Variants in MYO5C observed in about 807,000 individuals in gnomAD.
The protein encoded by MYO5C is unconventional myosin-Vc.
A neutral mutation model predicts 235.7 loss-of-function variants in MYO5C; 194 were observed. That is an observed-to-expected ratio of 0.82 (90% CI 0.73 to 0.93). The LOEUF is 0.93. MYO5C is among the 40% of genes least tolerant of loss of function. MYO5C has a pLI of 0.00. For synonymous variants in MYO5C, 707 were observed against 754.8 expected (o/e 0.94, Z 1.04); for missense variants, 2,038 against 2,127.2 (o/e 0.96, Z 0.82).
At chr15:52,219,633 C>G (rs533514524) in intron 31 of MYO5C, 126 bp downstream of exon 31, 44 of 690,370 alleles carry the variant, frequency 6.4e-5, no homozygotes, top group Non-Finnish European at 1.0e-4. Flanking sequence ...ATCAGAATGG[C>G]AATATGTCAT....
chr15:52,205,178 C>T (rs376962592), intron 37 of MYO5C, 31 bp from the exon 38 acceptor site: 1 of 1,605,920 alleles, frequency 6.2e-7, no homozygotes, highest in Non-Finnish European at 8.5e-7. Flanking sequence ...TGTGCTGACA[C>T]GCCAGGAGAC....
In MYO5C at chr15:52,195,926, G is replaced by C. The variant is rs149219357; in HGVS notation, c.4995+383C>G. Among the ~76,000 whole-genome samples the C allele has an allele frequency of 6.3e-5, 9 of 142,734 alleles. No homozygotes were observed. The East Asian group carries it at 1.8e-3, about 28-fold the overall frequency. 93.6% of individuals were successfully genotyped at this position (142,734 alleles called of 152,430 possible). A position where few individuals can be genotyped will look rare whatever the true frequency, so the allele number is the denominator to read the frequency against. On this transcript the variant is annotated intron_variant, in intron 39 of 40. Transcript: ENST00000261839. ...CGATCCTCCCGCCTCAGCCTCCCAA[G>C]TAGCTGGGACCAAAGGTGTGTGCCA...
intron 24 of MYO5C, among the ~76,000 whole-genome samples, chr15:52,231,964 C>G (rs893935832): frequency 6.6e-6 from 1 of 151,984 alleles, no homozygotes; most frequent in African/African-American, 2.4e-5. Context: ...GGATAAAAGA[C>G]AAACTAACAA....
chr15:52,256,562 A>AACAC (rs373248361), intron 11 of MYO5C, 77 bp downstream of exon 11: 31,939 of 629,312 alleles, frequency 0.051, 356 homozygotes, highest in East Asian at 0.078. Context: ...TCTTTCCACG[A>AACAC]ACACACACAC....
Position 52,246,042 on chromosome 15 carries a change from T to G in MYO5C, c.1980A>C (p.Glu660Asp), listed in dbSNP as rs1334171386. 6.2e-7 allele frequency: 1 copy of G among 1,613,422 alleles called. No individual in the cohort carries two copies. Among genetic ancestry groups the G allele is most frequent in the Admixed American group, 1.7e-5 (1 of 59,946 alleles). The change falls in exon 17 of 41, where the codon GAA (glutamate) becomes GAC (aspartate). Residue 660 changes from glutamate to aspartate, a missense_variant and splice_region_variant. Coordinates refer to ENST00000261839, the MANE Select transcript of MYO5C (RefSeq NM_018728.4). The part of the protein sequence containing the change: ...IKPNDEKLPF[E>D]FDSKRIVQQL... ...GCTGAACAATTCTTTTGGAGTCAAA[T>G]CTTTAAAAAGACAATGATATTATGT...
At chr15:52,195,798 T>G (rs2035034990) in intron 39 of MYO5C, among the ~76,000 whole-genome samples, 2 of 151,620 alleles carry the variant, frequency 1.3e-5, no homozygotes, top group East Asian at 1.9e-4. Flanking sequence ...TGTGTGTGAT[T>G]ATTATTATTA....
chr15:52,270,589 T>C (rs1167781060), intron 7 of MYO5C, among the ~76,000 whole-genome samples: 1 of 151,378 alleles, frequency 6.6e-6, no homozygotes, highest in Admixed American at 6.6e-5. Flanking sequence ...TACATATATA[T>C]GTATATATAC....
chr15:52,239,101 A>G (rs1470610553), intron 21 of MYO5C, among the ~76,000 whole-genome samples: 2 of 151,364 alleles, frequency 1.3e-5, no homozygotes, highest in Non-Finnish European at 2.9e-5. Context: ...ACAGGCATGC[A>G]TCACCACGCC....
Position 52,204,989 on chromosome 15 carries a change from C to T in MYO5C, c.4696G>A (p.Gly1566Ser), listed in dbSNP as rs1237965656. 3 of 1,614,232 alleles carry T rather than the reference C, an allele frequency of 1.9e-6. No homozygotes were observed. The highest frequency in any genetic ancestry group is 1.7e-5 in the Admixed American group (1 of 60,032). Reference protein sequence around the residue: ...SYFYTTMCQNGLDPELVRQAV... With the variant: ...SYFYTTMCQNSLDPELVRQAV... The stretch of plus-strand genomic sequence containing the variant: ...TGCCTCACAAGCTCGGGGTCCAGGC[C>T]GTTCTGGCACATGGTGGTGTAAAAG... Residue 1566 changes from glycine to serine, a missense_variant, in exon 38 of 41, where the codon GGC becomes AGC. Coordinates refer to ENST00000261839, the MANE Select transcript of MYO5C (RefSeq NM_018728.4).
chr15:52,288,099 A>G (rs979426828), intron 1 of MYO5C, among the ~76,000 whole-genome samples: 4 of 152,160 alleles, frequency 2.6e-5, no homozygotes, highest in Non-Finnish European at 4.4e-5. Context: ...GGCTCTGAGA[A>G]GTAATGTGAA....
chr15:52,245,385 ACCT>A lies in MYO5C; in HGVS notation c.2144_2146del (p.Glu715del), dbSNP rs1434868238. The A allele has an allele frequency of 4.3e-6, 7 of 1,613,842 alleles. No homozygotes were observed. The highest frequency in any genetic ancestry group is 5.1e-6 in the Non-Finnish European group (6 of 1,179,972). ...GAGTCTGTGTAAAACCACCTTGCAC[ACCT>A]CCTTTTTATCGCTGAAGGAAAGCTC... On this transcript the variant is annotated inframe_deletion, in exon 18 of 41. Transcript: ENST00000261839.
intron 9 of MYO5C, 38 bp from the exon 10 acceptor site, chr15:52,261,165 C>T (rs1376662313): frequency 6.2e-7 from 1 of 1,604,552 alleles, no homozygotes; most frequent in Admixed American, 1.7e-5. Context: ...GGTGGCCCAG[C>T]CATCCAAAGA....
chr15:52,260,885 A>G lies in MYO5C; in HGVS notation c.1290T>C (p.Phe430=). The change falls in exon 10 of 41, where the codon TTT becomes TTC. Residue 430 remains phenylalanine (F), a synonymous_variant. Transcript: ENST00000261839. ...ALQFSGKQHT[F]IGVLDIYGFE... The stretch of plus-strand genomic sequence containing the variant: ...ACCCATAAATGTCCAAAACACCAAT[A>G]AAAGTGTGCTGCTTGCCTGAAAACT... 1 of 1,614,224 alleles carries G rather than the reference A, an allele frequency of 6.2e-7. No homozygotes were observed.
chr15:52,295,284 T>C (rs116786740), intron 1 of MYO5C, among the ~76,000 whole-genome samples: 1,668 of 152,310 alleles, frequency 0.011, 35 homozygotes, highest in African/African-American at 0.039. Context: ...CTGGGGATTC[T>C]AGGCCCCGAG....
At position 52,242,475 on chromosome 15, in the gene MYO5C, A is replaced by T. The variant is rs2036248490; in HGVS notation, c.2391-262T>A. On this transcript the variant is annotated intron_variant, in intron 19 of 40. Coordinates refer to ENST00000261839, the MANE Select transcript of MYO5C (RefSeq NM_018728.4). ...CTCCACTCAGGTACCCACAGAGACGATGATGAGACTGTGCACTGGTGCTGC... is the reference window on the plus strand; with the variant it reads ...CTCCACTCAGGTACCCACAGAGACGTTGATGAGACTGTGCACTGGTGCTGC... The T allele has an allele frequency of 1.6e-5, 7 of 425,020 alleles. No homozygotes were observed. In the South Asian group the frequency reaches 2.2e-4, roughly 13 times the overall value. The allele number at this position is 425,020 out of a possible 1,614,324, so 26.3% of individuals were successfully genotyped here. A position where few individuals can be genotyped will look rare whatever the true frequency, so the allele number is the denominator to read the frequency against.
At chr15:52,233,744 C>T (rs918877438) in intron 23 of MYO5C, among the ~76,000 whole-genome samples, 1 of 152,204 alleles carries the variant, frequency 6.6e-6, no homozygotes, top group African/African-American at 2.4e-5. Context: ...ATTCCCAACA[C>T]ACCCATATGC....
chr15:52,275,630 T>C lies in MYO5C; in HGVS notation c.538A>G (p.Thr180Ala). ...SARYAMRYFA[T>A]VSKSGSNAHV... ...GCGTTGCTGCCCGATTTGCTGACGG[T>C]GGCAAAGTACCTCATGGCATAGCGA... The change falls in exon 5 of 41, where the codon ACC (threonine) becomes GCC (alanine). Residue 180 changes from threonine to alanine, a missense_variant. Physicochemically the swap from Thr to Ala is moderately conservative, Grantham distance 58 (BLOSUM62 0). Transcript: ENST00000261839. 6.2e-7 allele frequency: 1 copy of C among 1,614,232 alleles called. No individual in the cohort carries two copies. Among genetic ancestry groups the C allele is most frequent in the African/African-American group, 1.3e-5 (1 of 75,058 alleles).
At chr15:52,273,050 G>A (rs555429302) in intron 5 of MYO5C, among the ~76,000 whole-genome samples, 4 of 152,302 alleles carry the variant, frequency 2.6e-5, no homozygotes, top group South Asian at 4.1e-4. Flanking sequence ...TAGGTGCAGC[G>A]GCTCACGCCT....
Position 52,246,011 on chromosome 15 carries a change from G to A in MYO5C, c.2011C>T (p.Arg671Ter), listed in dbSNP as rs1369129224. 19 of 1,614,018 alleles carry A rather than the reference G, an allele frequency of 1.2e-5. No individual in the cohort carries two copies. The highest frequency in any genetic ancestry group is 1.5e-5 in the Non-Finnish European group (18 of 1,180,014). ...ATCGTTTCTAAAACGCCGCAGGCTC[G>A]CAGCTGCTGAACAATTCTTTTGGAG... ...FDSKRIVQQLRACGVLETIRI... is the reference protein window; with the variant it reads ...FDSKRIVQQL The change falls in exon 17 of 41, where the codon CGA becomes TGA. Residue 671 changes from arginine to a stop codon, truncating the protein, a stop_gained. Coordinates refer to ENST00000261839, the MANE Select transcript of MYO5C (RefSeq NM_018728.4). LOFTEE classifies it high-confidence loss of function.
Sources: gnomAD v4.1 joint callset for allele counts (sites outside exome capture counted in the v4.1 genomes callset) on GRCh38, gnomAD v4.1.1 for gene constraint, MANE v1.5 for transcripts, NCBI Gene and HGNC (gene_info 2026-07-23, HGNC 2026-07-21) for gene names.